Variants in NBPF15 observed in about 807,000 individuals in gnomAD.
NBPF15 encodes the protein NBPF family member NBPF15.
A neutral mutation model predicts 62.2 loss-of-function variants in NBPF15; 74 were observed. That is an observed-to-expected ratio of 1.19 (90% CI 0.99 to 1.44). The LOEUF is 1.44. Ranked by LOEUF, NBPF15 falls within the 40% of genes most tolerant of loss-of-function variation. The pLI is 0.00. For missense variants in NBPF15, 790 were observed against 550.0 expected (o/e 1.44, Z -4.36); for synonymous variants, 244 against 209.7 (o/e 1.16, Z -1.41).
At chr1:144,460,026 C>CT (rs150839897) in intron 2 of NBPF15, among the ~76,000 whole-genome samples, 545 of 19,556 alleles carry the variant, frequency 0.028, 217 homozygotes, top group East Asian at 0.082. Flanking sequence ...ATTACCTGTA[C>CT]TTTTTTTTTT....
At chr1:144,434,747 C>T (rs1676951631) in intron 12 of NBPF15, among the ~76,000 whole-genome samples, 1 of 151,856 alleles carries the variant, frequency 6.6e-6, no homozygotes, top group African/African-American at 2.4e-5. Context: ...AAAGGCAAGG[C>T]TGCCAGCTTC....
At chr1:144,423,536 G>A (rs1667306502) in intron 21 of NBPF15, among the ~76,000 whole-genome samples, 1 of 152,042 alleles carries the variant, frequency 6.6e-6, no homozygotes, top group South Asian at 2.1e-4. Context: ...GGAGTAAAAG[G>A]ACACTCTGAG....
intron 19 of NBPF15, among the ~76,000 whole-genome samples, chr1:144,425,091 C>CACAG (rs1668721908): frequency 6.8e-6 from 1 of 146,788 alleles, no homozygotes; most frequent in Non-Finnish European, 1.5e-5. Context: ...CACACACACA[C>CACAG]ACACACACAC....
At chr1:144,438,633 T>C (rs1680477819) in intron 8 of NBPF15, among the ~76,000 whole-genome samples, 1 of 152,080 alleles carries the variant, frequency 6.6e-6, no homozygotes, top group Non-Finnish European at 1.5e-5. Flanking sequence ...TGTGTTAATT[T>C]AGAAACAGCA....
At position 144,427,977 on chromosome 1, in the gene NBPF15, G is replaced by A; in HGVS notation, c.1054C>T (p.Leu352=). 1.3e-6 allele frequency: 1 copy of A among 769,960 alleles called. No individual in the cohort carries two copies. The highest frequency in any genetic ancestry group is 1.4e-5 in the South Asian group (1 of 72,496). 47.7% of individuals were successfully genotyped at this position (769,960 alleles called of 1,614,324 possible). ...EATGPRLSRE[L]LDEKEPEVLQ... is the part of the protein sequence containing the mutation. Reference sequence around the variant, plus strand: ...ACTTCAGGCTCTTTCTCATCCAGCAGCTCCCTGCTGAGCCTGGAAAAGTGG... The same window carrying A: ...ACTTCAGGCTCTTTCTCATCCAGCAACTCCCTGCTGAGCCTGGAAAAGTGG... Residue 352 remains leucine (L), a synonymous_variant, in exon 16 of 22, where the codon CTG becomes TTG. Coordinates refer to ENST00000581897, the MANE Select transcript of NBPF15 (RefSeq NM_001385408.1).
intron 6 of NBPF15, among the ~76,000 whole-genome samples, chr1:144,442,438 CTTTTT>C (rs1417511066): frequency 7.2e-6 from 1 of 138,386 alleles, no homozygotes; most frequent in African/African-American, 2.7e-5. Flanking sequence ...ATATTTTTTT[CTTTTT>C]TAAGTGGCGG....
chr1:144,426,566 T>G, intron 17 of NBPF15, 116 bp from the exon 18 acceptor site: 1 of 722,074 alleles, frequency 1.4e-6, no homozygotes. Context: ...GACGGATCCA[T>G]TAATGAGGTA....
At position 144,424,574 on chromosome 1, in the gene NBPF15, G is replaced by C. The variant is rs1159863466; in HGVS notation, c.1663+116C>G. ...TTCATTCAACCTACATGTGCCTATA[G>C]GTCCTCACTGCGGCAATGACATCTC... On this transcript the variant is annotated intron_variant, in intron 20 of 21. Coordinates refer to ENST00000581897, the MANE Select transcript of NBPF15 (RefSeq NM_001385408.1). 4.6e-6 allele frequency: 3 copies of C among 648,662 alleles called. No homozygotes were observed. In the Admixed American group the frequency reaches 8.2e-5, roughly 18 times the overall value. The allele number at this position is 648,662 out of a possible 1,614,324, so 40.2% of individuals were successfully genotyped here. A position where few individuals can be genotyped will look rare whatever the true frequency, so the allele number is the denominator to read the frequency against.
chr1:144,424,008 A>C, intron 20 of NBPF15, 33 bp from the exon 21 acceptor site: 1 of 763,472 alleles, frequency 1.3e-6, no homozygotes, highest in South Asian at 1.3e-5. Flanking sequence ...CAGACACATT[A>C]AGCTGATTCC....
chr1:144,457,728 T>A (rs1428495971), intron 3 of NBPF15, among the ~76,000 whole-genome samples: 1 of 152,062 alleles, frequency 6.6e-6, no homozygotes, highest in Non-Finnish European at 1.5e-5. Context: ...CAATGAATAC[T>A]ATACTCATAA....
intron 13 of NBPF15, among the ~76,000 whole-genome samples, chr1:144,432,789 C>T: frequency 6.6e-6 from 1 of 150,904 alleles, no homozygotes; most frequent in South Asian, 2.1e-4. Context: ...TATACAGGAG[C>T]ACCCAGATTC....
Position 144,427,925 on chromosome 1 carries a change from T to A in NBPF15, c.1106A>T (p.Tyr369Phe). The change falls in exon 16 of 22, where the codon TAT becomes TTT. Residue 369 changes from tyrosine (Y) to phenylalanine (F), a missense_variant. Physicochemically the swap from Tyr to Phe is conservative, Grantham distance 22 (BLOSUM62 3). Transcript: ENST00000581897. ...EVLQDSLDRCYSTPSGCLELT... is the reference protein window; with the variant it reads ...EVLQDSLDRCFSTPSGCLELT... ...TTCAAGACAACCTGAAGGAGTTGAA[T>A]AACATCTATCCAGTGAGTCCTGCAA... 1.3e-6 allele frequency: 1 copy of A among 747,208 alleles called. No individual in the cohort carries two copies. Among genetic ancestry groups the A allele is most frequent in the South Asian group, 1.4e-5 (1 of 69,598 alleles). The allele number at this position is 747,208 out of a possible 1,614,324, so 46.3% of individuals were successfully genotyped here.
chr1:144,424,188 T>A (rs1176756929), intron 20 of NBPF15, among the ~76,000 whole-genome samples: 19 of 152,068 alleles, frequency 1.2e-4, no homozygotes, highest in African/African-American at 3.9e-4. Flanking sequence ...CCTATTCTAG[T>A]AGATCGTTAT....
chr1:144,429,321 TG>T (rs1672469403), intron 14 of NBPF15, among the ~76,000 whole-genome samples: 2 of 150,032 alleles, frequency 1.3e-5, no homozygotes, highest in South Asian at 4.2e-4. Flanking sequence ...AGACATGCTT[TG>T]GGAACAAAAC....
intron 16 of NBPF15, among the ~76,000 whole-genome samples, chr1:144,427,397 A>G (rs1670516201): frequency 7.1e-6 from 1 of 140,770 alleles, no homozygotes; most frequent in Non-Finnish European, 1.5e-5. Flanking sequence ...AATGCCCCCA[A>G]ATGGTTGCTA....
chr1:144,438,910 A>T (rs1680749514), intron 8 of NBPF15, among the ~76,000 whole-genome samples: 7 of 151,296 alleles, frequency 4.6e-5, no homozygotes, highest in Admixed American at 4.6e-4. Flanking sequence ...TAGCAACAAG[A>T]CTCTGTGCCC....
chr1:144,457,818 G>T lies in NBPF15; in HGVS notation c.-700-1013C>A, dbSNP rs587669922. On this transcript the variant is annotated intron_variant, in intron 3 of 21. Coordinates refer to ENST00000581897, the MANE Select transcript of NBPF15 (RefSeq NM_001385408.1). ...TATTAAAACTAAAATGGCCAGCGGTGATGGCTTATGCCTGTAATCCCAACA... is the reference window on the plus strand; with the variant it reads ...TATTAAAACTAAAATGGCCAGCGGTTATGGCTTATGCCTGTAATCCCAACA... 1.2e-4 allele frequency among the ~76,000 whole-genome samples: 18 copies of T among 152,180 alleles called. 1 individual carries two copies. Among genetic ancestry groups the T allele is most frequent in the African/African-American group, 4.3e-4 (18 of 41,520 alleles).
At chr1:144,431,590 C>T (rs1396634113) in intron 13 of NBPF15, among the ~76,000 whole-genome samples, 10 of 141,868 alleles carry the variant, frequency 7.0e-5, no homozygotes, top group Non-Finnish European at 1.4e-4. Flanking sequence ...GTGCTTCACC[C>T]ATTAACTCAT....
chr1:144,422,951 A>C lies in NBPF15; in HGVS notation c.*62T>G, dbSNP rs1241358596. ...CAAATGGAACTGTACTTTCATTCAA[A>C]TCTTCTCGTGCCTATAGGTCCTGCC... On this transcript the variant is annotated 3_prime_UTR_variant, in exon 22 of 22. Coordinates refer to ENST00000581897, the MANE Select transcript of NBPF15 (RefSeq NM_001385408.1). The C allele has an allele frequency of 8.7e-5, 141 of 1,611,528 alleles. 1 individual carries two copies. In the African/African-American group the frequency reaches 1.6e-3, roughly 19 times the overall value.
Sources: allele counts gnomAD v4.1 joint callset (sites outside exome capture counted in the v4.1 genomes callset), GRCh38; gene constraint gnomAD v4.1.1; transcripts MANE v1.5; gene names NCBI Gene and HGNC (gene_info 2026-07-23, HGNC 2026-07-21).